ADAMTS6: variants seen among roughly 807,000 people sequenced by gnomAD.
ADAMTS6 encodes ADAM metallopeptidase with thrombospondin type 1 motif 6.
ADAMTS6 carries 23 observed loss-of-function variants against 144.3 expected under a neutral mutation model. The ratio of observed to expected loss-of-function variants is 0.16; its 90% CI spans 0.11 to 0.23. The LOEUF is 0.23. ADAMTS6 is among the 10% of genes least tolerant of loss of function. ADAMTS6 has a pLI of 1.00. For synonymous variants in ADAMTS6, 444 were observed against 457.5 expected, an observed-to-expected ratio of 0.97 and a Z score of 0.38; for missense variants, 999 against 1,379.6, an observed-to-expected ratio of 0.72 and a Z score of 4.37.
intron 2 of ADAMTS6, among the ~76,000 whole-genome samples, chr5:65,471,586 C>T (rs1257049140): frequency 2.7e-5 from 4 of 148,400 alleles, no homozygotes; most frequent in African/African-American, 1.1e-4. Context: ...TGAAACCCCG[C>T]CTCTACTAAA....
chr5:65,196,563 G>C (rs1369393928), intron 21 of ADAMTS6, among the ~76,000 whole-genome samples: 1 of 115,722 alleles, frequency 8.6e-6, no homozygotes, highest in East Asian at 2.6e-4. Context: ...GAGGTCTTTA[G>C]ATCTTTAGGA....
intron 4 of ADAMTS6, among the ~76,000 whole-genome samples, chr5:65,459,618 T>C (rs953401463): frequency 6.6e-6 from 1 of 152,192 alleles, no homozygotes; most frequent in Non-Finnish European, 1.5e-5. Flanking sequence ...TAGCCACTGC[T>C]TTCTCCACTT....
chr5:65,349,723 T>A (rs1282735673), intron 7 of ADAMTS6, among the ~76,000 whole-genome samples: 44 of 151,740 alleles, frequency 2.9e-4, no homozygotes, highest in Admixed American at 2.7e-3. Context: ...GAAATGGTGG[T>A]GGGCACCTGT....
intron 12 of ADAMTS6, among the ~76,000 whole-genome samples, chr5:65,266,061 G>A (rs554749761): frequency 1.3e-5 from 2 of 151,490 alleles, no homozygotes; most frequent in African/African-American, 4.8e-5. Flanking sequence ...ATGATTTGTA[G>A]AGAAAAAATA....
intron 7 of ADAMTS6, among the ~76,000 whole-genome samples, chr5:65,389,655 A>G (rs916299192): frequency 1.3e-5 from 2 of 151,522 alleles, no homozygotes; most frequent in Non-Finnish European, 2.9e-5. Flanking sequence ...AGTAAAATTT[A>G]GTACCCATCC....
chr5:65,218,407 A>G (rs1580089293), intron 18 of ADAMTS6, among the ~76,000 whole-genome samples: 1 of 152,362 alleles, frequency 6.6e-6, no homozygotes, highest in East Asian at 1.9e-4. Context: ...ACAAAGAAAC[A>G]TTCACAGTGT....
At chr5:65,155,175 C>A (rs1031804004) in intron 24 of ADAMTS6, among the ~76,000 whole-genome samples, 4 of 152,112 alleles carry the variant, frequency 2.6e-5, no homozygotes, top group Non-Finnish European at 5.9e-5. Flanking sequence ...GTAGTGACAG[C>A]ATTAAAAATT....
intron 11 of ADAMTS6, among the ~76,000 whole-genome samples, chr5:65,282,246 T>C (rs1181650867): frequency 6.6e-6 from 1 of 152,078 alleles, no homozygotes; most frequent in Non-Finnish European, 1.5e-5. Flanking sequence ...TTATACATTT[T>C]AAGGGGTGGG....
intron 3 of ADAMTS6, among the ~76,000 whole-genome samples, chr5:65,466,749 A>G (rs1023275161): frequency 1.3e-5 from 2 of 152,234 alleles, no homozygotes; most frequent in African/African-American, 4.8e-5. Flanking sequence ...TTCATGAAAT[A>G]AGAACAGAAT....
rs1757628457 is a variant in ADAMTS6 at position 65,225,060 on chromosome 5, A to C, written c.2068-13T>G. 6.2e-7 allele frequency: 1 copy of C among 1,610,680 alleles called. No homozygotes were observed. Among genetic ancestry groups the C allele is most frequent in the African/African-American group, 1.3e-5 (1 of 74,896 alleles). ...CACAGCCTACGTGCTGAAAACAGAG[A>C]GGAATATTCAGTGTGTCAAGAGAGA... On this transcript the variant is annotated splice_polypyrimidine_tract_variant and intron_variant, in intron 16 of 24. Coordinates refer to ENST00000381055, the MANE Select transcript of ADAMTS6 (RefSeq NM_197941.4).
chr5:65,189,176 C>T (rs960221771), intron 21 of ADAMTS6, among the ~76,000 whole-genome samples: 5 of 152,172 alleles, frequency 3.3e-5, no homozygotes, highest in Admixed American at 3.3e-4. Context: ...TATACTACAC[C>T]TTTACCCTAA....
At chr5:65,444,234 A>G (rs1758092245) in intron 7 of ADAMTS6, among the ~76,000 whole-genome samples, 1 of 152,146 alleles carries the variant, frequency 6.6e-6, no homozygotes, top group Admixed American at 6.5e-5. Flanking sequence ...TCTACTAAAA[A>G]TACAAAAATT....
intron 24 of ADAMTS6, among the ~76,000 whole-genome samples, chr5:65,157,556 T>C (rs930240918): frequency 6.6e-6 from 1 of 152,216 alleles, no homozygotes; most frequent in African/African-American, 2.4e-5. Context: ...GCCCTCTGTT[T>C]CTGTAAACTC....
At chr5:65,337,232 C>G (rs1747390463) in intron 7 of ADAMTS6, among the ~76,000 whole-genome samples, 1 of 152,056 alleles carries the variant, frequency 6.6e-6, no homozygotes, top group Non-Finnish European at 1.5e-5. Flanking sequence ...TATACTCACT[C>G]AATATCATGT....
rs1205771924 is a variant in ADAMTS6, at chr5:65,473,868, C to A, written c.-195G>T. 10 of 485,838 alleles carry A rather than the reference C, an allele frequency of 2.1e-5. No homozygotes were observed. The highest frequency in any genetic ancestry group is 5.9e-5 in the African/African-American group (3 of 51,266). 30.1% of individuals were successfully genotyped at this position (485,838 alleles called of 1,614,324 possible). A position where few individuals can be genotyped will look rare whatever the true frequency, so the allele number is the denominator to read the frequency against. ...TATATCTGGATTCATTTTCTCAATC[C>A]AAAATGAAAAAAATAATGATGGTAA... On this transcript the variant is annotated 5_prime_UTR_variant, in exon 2 of 25. Coordinates refer to ENST00000381055, the MANE Select transcript of ADAMTS6 (RefSeq NM_197941.4).
chr5:65,452,585 A>AT (rs1758841420), intron 5 of ADAMTS6, 122 bp downstream of exon 5: 3 of 1,047,242 alleles, frequency 2.9e-6, no homozygotes, highest in East Asian at 2.6e-5. Context: ...TACTAGACCA[A>AT]TTTTTTACCA....
intron 9 of ADAMTS6, among the ~76,000 whole-genome samples, chr5:65,301,799 T>C (rs1303711423): frequency 6.6e-6 from 1 of 151,944 alleles, no homozygotes; most frequent in African/African-American, 2.4e-5. Flanking sequence ...ATATAATATG[T>C]CCTCATAGGC....
intron 13 of ADAMTS6, among the ~76,000 whole-genome samples, chr5:65,261,512 GTTAT>G (rs1412626349): frequency 1.3e-5 from 2 of 152,124 alleles, no homozygotes; most frequent in African/African-American, 4.8e-5. Flanking sequence ...ACTTACGTTA[GTTAT>G]TCTGTAATTT....
chr5:65,263,105 G>A (rs1055601257), intron 12 of ADAMTS6, 143 bp from the exon 13 acceptor site: 5 of 1,016,150 alleles, frequency 4.9e-6, no homozygotes, highest in African/African-American at 4.9e-5. Flanking sequence ...CTCTAACTGT[G>A]TTTAGACACT....
Sources: allele counts gnomAD v4.1 joint callset (sites outside exome capture counted in the v4.1 genomes callset), GRCh38; gene constraint gnomAD v4.1.1; transcripts MANE v1.5; gene names NCBI Gene and HGNC (gene_info 2026-07-23, HGNC 2026-07-21).